KIAA0513: variants seen among roughly 807,000 people sequenced by gnomAD.
KIAA0513 encodes KIAA0513, also known as uncharacterized protein KIAA0513.
Under a neutral mutation model 56.5 loss-of-function variants are expected in KIAA0513, and 39 were observed. That is an observed-to-expected ratio of 0.69 (90% CI 0.53 to 0.90). KIAA0513 has a LOEUF of 0.90. Among genes scored for constraint, KIAA0513 ranks in the 40% least tolerant of loss-of-function variants. The pLI, the probability that KIAA0513 is intolerant of heterozygous loss-of-function variation, is 0.00. For missense variants in KIAA0513, 591 were observed against 535.2 expected, an observed-to-expected ratio of 1.10 and a Z score of -1.03; for synonymous variants, 268 against 215.6, an observed-to-expected ratio of 1.24 and a Z score of -2.13.
intron 4 of KIAA0513, among the ~76,000 whole-genome samples, chr16:85,073,260 C>T (rs995859063): frequency 9.9e-5 from 15 of 152,200 alleles, no homozygotes; most frequent in African/African-American, 3.6e-4. Context: ...TGTGTGGGTC[C>T]TCAGGGCCAG....
At chr16:85,078,904 C>A (rs373737211) in intron 7 of KIAA0513, 21 bp from the exon 8 acceptor site, 84 of 1,613,888 alleles carry the variant, frequency 5.2e-5, no homozygotes, top group Middle Eastern at 1.6e-4. Context: ...CTGCTTTCAG[C>A]CATTCTCTCT....
intron 1 of KIAA0513, among the ~76,000 whole-genome samples, chr16:85,056,634 G>T (rs9939449): frequency 2.0e-5 from 3 of 152,108 alleles, no homozygotes; most frequent in East Asian, 3.9e-4. Flanking sequence ...GGCCGCGCTC[G>T]CCGAGAGCCC....
At chr16:85,039,891 G>C (rs1004956509) in intron 1 of KIAA0513, among the ~76,000 whole-genome samples, 1 of 151,474 alleles carries the variant, frequency 6.6e-6, no homozygotes, top group Non-Finnish European at 1.5e-5. Flanking sequence ...CTGGAGTGCA[G>C]TGGCACCATC....
At chr16:85,077,757 C>G in intron 6 of KIAA0513, 125 bp downstream of exon 6, 1 of 704,798 alleles carries the variant, frequency 1.4e-6, no homozygotes, top group Non-Finnish European at 2.4e-6. Context: ...ACTGCGCTGC[C>G]CAGCCACTTC....
intron 1 of KIAA0513, among the ~76,000 whole-genome samples, chr16:85,057,769 GT>G (rs59350081): frequency 0.13 from 18,241 of 141,746 alleles, 2,210 homozygotes; most frequent in African/African-American, 0.33. Context: ...TTTTGTTTTT[GT>G]TTTTTTTTTT....
chr16:85,045,842 G>T (rs965138613), intron 1 of KIAA0513, among the ~76,000 whole-genome samples: 10 of 152,228 alleles, frequency 6.6e-5, no homozygotes, highest in Non-Finnish European at 1.2e-4. Flanking sequence ...GCAAGGCTTT[G>T]TTGAGCTCCA....
chr16:85,071,452 C>T (rs570941606), intron 2 of KIAA0513, among the ~76,000 whole-genome samples: 2 of 152,290 alleles, frequency 1.3e-5, no homozygotes, highest in East Asian at 1.9e-4. Flanking sequence ...AGGGTTCGTG[C>T]CCTTATCCAG....
chr16:85,043,707 C>G (rs553754578), intron 1 of KIAA0513, among the ~76,000 whole-genome samples: 68 of 152,248 alleles, frequency 4.5e-4, no homozygotes, highest in Non-Finnish European at 7.8e-4. Context: ...GCTACCATGC[C>G]TGGCCAGGAA....
At chr16:85,087,210 G>A (rs1237250178) in intron 12 of KIAA0513, 44 bp downstream of exon 12, 5 of 1,517,450 alleles carry the variant, frequency 3.3e-6, no homozygotes, top group Admixed American at 1.7e-5. Flanking sequence ...GCAGGGCTGG[G>A]GTCAGGAGCC....
chr16:85,046,380 G>A (rs1456723620), intron 1 of KIAA0513, among the ~76,000 whole-genome samples: 2 of 152,172 alleles, frequency 1.3e-5, no homozygotes, highest in African/African-American at 4.8e-5. Context: ...TTGGGGCTCC[G>A]ATATTGCGAA....
At chr16:85,079,030 C>T in intron 8 of KIAA0513, 27 bp downstream of exon 8, 1 of 1,614,106 alleles carries the variant, frequency 6.2e-7, no homozygotes, top group Non-Finnish European at 8.5e-7. Context: ...GGCTTCCCGT[C>T]ACCCTCTTAC....
chr16:85,050,336 TTTA>T (rs773532215), intron 1 of KIAA0513, among the ~76,000 whole-genome samples: 5,071 of 115,086 alleles, frequency 0.044, 116 homozygotes, highest in Non-Finnish European at 0.057. Flanking sequence ...TATTTATTTA[TTTA>T]TTTATTTATT....
In KIAA0513 at chr16:85,045,947, G is replaced by T. The variant is rs2073165047; in HGVS notation, c.-173+18089G>T. On this transcript the variant is annotated intron_variant, in intron 1 of 12. Transcript: ENST00000683363. ...CTCCTGCAGGGCCAGGCAGATGATGGCAGCCGACAATGTGCATCTCAAAGG... is the reference window on the plus strand; with the variant it reads ...CTCCTGCAGGGCCAGGCAGATGATGTCAGCCGACAATGTGCATCTCAAAGG... Among the ~76,000 whole-genome samples the T allele has an allele frequency of 3.3e-5, 5 of 152,252 alleles. No individual in the cohort carries two copies. The South Asian group carries it at 1.0e-3, about 32-fold the overall frequency.
At chr16:85,070,126 G>A (rs1042228460) in intron 2 of KIAA0513, among the ~76,000 whole-genome samples, 19 of 150,856 alleles carry the variant, frequency 1.3e-4, no homozygotes, top group Middle Eastern at 3.2e-3. Context: ...AACCGTGATC[G>A]GACTACTGCA....
chr16:85,035,790 A>G (rs1482130842), intron 1 of KIAA0513, among the ~76,000 whole-genome samples: 1 of 152,066 alleles, frequency 6.6e-6, no homozygotes, highest in East Asian at 1.9e-4. Context: ...CATCCTGGCT[A>G]ACACAGTGAA....
chr16:85,044,261 C>T (rs1161877786), intron 1 of KIAA0513, among the ~76,000 whole-genome samples: 3 of 152,164 alleles, frequency 2.0e-5, no homozygotes, highest in Non-Finnish European at 4.4e-5. Flanking sequence ...AGAGGTGAAC[C>T]AGTGGTGCCC....
chr16:85,067,296 C>T lies in KIAA0513; in HGVS notation c.225C>T (p.Asn75=), dbSNP rs761952771. 5.0e-6 allele frequency: 8 copies of T among 1,613,492 alleles called. No homozygotes were observed. Among genetic ancestry groups the T allele is most frequent in the East Asian group, 2.2e-5 (1 of 44,894 alleles). The change falls in exon 2 of 13, where the codon AAC becomes AAT. Residue 75 remains asparagine (N), a synonymous_variant. Coordinates refer to ENST00000683363, the MANE Select transcript of KIAA0513 (RefSeq NM_001388359.1). ...ACCAAGACCGCCGTTCCTCCTCCAA[C>T]GAGTCCTTCTCCTCCAACCAGAGCA... ...SWDQDRRSSS[N]ESFSSNQSTE... is the part of the protein sequence containing the mutation.
chr16:85,051,087 A>G (rs2073246376), intron 1 of KIAA0513, among the ~76,000 whole-genome samples: 1 of 152,040 alleles, frequency 6.6e-6, no homozygotes, highest in South Asian at 2.1e-4. Flanking sequence ...TGAGGTTAAC[A>G]TTGAGCTATG....
chr16:85,065,182 T>A (rs2073460843), intron 1 of KIAA0513, among the ~76,000 whole-genome samples: 1 of 152,238 alleles, frequency 6.6e-6, no homozygotes. Context: ...TGTGTGGTTT[T>A]CTGTTCTTTG....
Sources: allele counts gnomAD v4.1 joint callset (sites outside exome capture counted in the v4.1 genomes callset), GRCh38; gene constraint gnomAD v4.1.1; transcripts MANE v1.5; gene names NCBI Gene and HGNC (gene_info 2026-07-23, HGNC 2026-07-21).